The following PRUNE2 variants were observed in gnomAD, a reference collection of about 807,000 sequenced individuals.
PRUNE2 encodes the protein protein prune homolog 2.
PRUNE2 carries 164 observed loss-of-function variants against 252.0 expected under a neutral mutation model. That is an observed-to-expected ratio of 0.65 (90% confidence interval 0.57 to 0.74). The LOEUF is 0.74. PRUNE2 is among the 30% of genes least tolerant of loss of function. The probability of loss-of-function intolerance (pLI) is 0.00; values close to 1 mark genes in which losing one functional copy is unlikely to be tolerated. For synonymous variants in PRUNE2, 1,292 were observed against 1,350.2 expected (o/e 0.96, Z 0.94); for missense variants, 3,495 against 3,711.0 (o/e 0.94, Z 1.51).
rs1383763731 is a variant in PRUNE2, at chr9:76,831,176, A to G, written c.509-4444T>C. ...GATCTCCTGACCTTGTGATCCGCCC[A>G]CCTCGGCCTCCCAAAGTGCTGGGAT... On this transcript the variant is annotated intron_variant, in intron 4 of 18. Coordinates refer to ENST00000376718, the MANE Select transcript of PRUNE2 (RefSeq NM_015225.3). Among the ~76,000 whole-genome samples the G allele has an allele frequency of 5.3e-5, 8 of 152,066 alleles. No individual in the cohort carries two copies. The East Asian group carries it at 5.8e-4, about 11-fold the overall frequency.
intron 1 of PRUNE2, among the ~76,000 whole-genome samples, chr9:76,860,738 A>C (rs2060502101): frequency 6.6e-6 from 1 of 152,244 alleles, no homozygotes; most frequent in Non-Finnish European, 1.5e-5. Flanking sequence ...AAGTGGGGGC[A>C]CATTTCTTGG....
chr9:76,792,461 G>A (rs559363447), intron 6 of PRUNE2, among the ~76,000 whole-genome samples: 1 of 152,158 alleles, frequency 6.6e-6, no homozygotes, highest in Non-Finnish European at 1.5e-5. Context: ...CAGGACTAAA[G>A]TCTCACAGAG....
In PRUNE2 at chr9:76,826,610, C is replaced by T. The variant is rs139637420; in HGVS notation, c.631G>A (p.Val211Ile). 1.6e-5 allele frequency: 25 copies of T among 1,610,172 alleles called. No homozygotes were observed. In the African/African-American group the frequency reaches 2.1e-4, roughly 14 times the overall value. Residue 211 changes from valine to isoleucine, a missense_variant, in exon 5 of 19, where the codon GTC becomes ATC. Coordinates refer to ENST00000376718, the MANE Select transcript of PRUNE2 (RefSeq NM_015225.3). The stretch of plus-strand genomic sequence containing the variant: ...GCACTGAACTGGGTCTCCTGTAGGA[C>T]GTTGATGATGTCCTCTCTTGGAGGC... Reference protein sequence around the residue: ...NLPPREDIINVLQETQFSAQG... With the variant: ...NLPPREDIINILQETQFSAQG...
intron 6 of PRUNE2, among the ~76,000 whole-genome samples, chr9:76,797,031 T>TCAAACATACGCA (rs1485134798): frequency 4.4e-5 from 6 of 137,436 alleles, no homozygotes; most frequent in African/African-American, 1.9e-4. Flanking sequence ...AATCACACAC[T>TCAAACATACGCA]CACACATACA....
intron 1 of PRUNE2, among the ~76,000 whole-genome samples, chr9:76,869,754 G>C (rs2061076730): frequency 6.6e-6 from 1 of 152,188 alleles, no homozygotes; most frequent in Non-Finnish European, 1.5e-5. Context: ...AGTATTCTAA[G>C]CATCAGAGGC....
chr9:76,827,834 A>G (rs988578241), intron 4 of PRUNE2, among the ~76,000 whole-genome samples: 9 of 152,204 alleles, frequency 5.9e-5, no homozygotes, highest in African/African-American at 2.2e-4. Context: ...AACAGGAATA[A>G]TACTGCTTTC....
At chr9:76,712,030 A>G (rs1392542083) in intron 7 of PRUNE2, among the ~76,000 whole-genome samples, 3 of 152,092 alleles carry the variant, frequency 2.0e-5, no homozygotes, top group Non-Finnish European at 4.4e-5. Context: ...TGTCAGGAGT[A>G]TTTTGTTGTG....
At chr9:76,892,892 T>C (rs745883020) in intron 1 of PRUNE2, among the ~76,000 whole-genome samples, 1 of 152,236 alleles carries the variant, frequency 6.6e-6, no homozygotes, top group Non-Finnish European at 1.5e-5. Flanking sequence ...GAAACTGAAA[T>C]AGATGTCTAA....
chr9:76,745,007 A>G (rs535248745), intron 6 of PRUNE2, among the ~76,000 whole-genome samples: 3 of 152,312 alleles, frequency 2.0e-5, no homozygotes, highest in East Asian at 3.9e-4. Flanking sequence ...TACCATGACC[A>G]TACATTTATT....
intron 6 of PRUNE2, among the ~76,000 whole-genome samples, chr9:76,807,231 A>T (rs1057283542): frequency 4.3e-4 from 30 of 69,938 alleles, no homozygotes; most frequent in Admixed American, 1.8e-3. Flanking sequence ...TGGCTAATTT[A>T]AAAAAAAAAA....
rs770848796 is a variant in PRUNE2 at position 76,774,456 on chromosome 9, T to TATGTA, written c.756+49175_756+49176insTACAT. Among the ~76,000 whole-genome samples, 753 of 133,900 alleles carry TATGTA rather than the reference T, an allele frequency of 5.6e-3. 18 individuals are homozygous for TATGTA. The highest frequency in any genetic ancestry group is 0.019 in the African/African-American group (723 of 37,286). The allele number at this position is 133,900 out of a possible 152,430, so 87.8% of individuals were successfully genotyped here. A position where few individuals can be genotyped will look rare whatever the true frequency, so the allele number is the denominator to read the frequency against. On this transcript the variant is annotated intron_variant, in intron 6 of 18. Transcript: ENST00000376718. ...CCTGGCCTCCAGTTCAACCCTTTTT[T>TATGTA]TTTTTTTTTTTTTTTTTTTTTGAGA...
At chr9:76,894,578 C>T (rs1270862375) in intron 1 of PRUNE2, among the ~76,000 whole-genome samples, 4 of 152,186 alleles carry the variant, frequency 2.6e-5, no homozygotes, top group Non-Finnish European at 4.4e-5. Flanking sequence ...CCACTTGTTA[C>T]AGAAAATGTG....
intron 6 of PRUNE2, among the ~76,000 whole-genome samples, chr9:76,755,931 G>A (rs939290088): frequency 3.3e-5 from 5 of 152,144 alleles, no homozygotes; most frequent in African/African-American, 7.2e-5. Flanking sequence ...TTGAACTCCT[G>A]AGCTTAAGTG....
intron 9 of PRUNE2, among the ~76,000 whole-genome samples, chr9:76,683,066 C>T (rs1478320746): frequency 6.6e-6 from 1 of 152,226 alleles, no homozygotes; most frequent in African/African-American, 2.4e-5. Context: ...CTCTATTCCC[C>T]TTTGGGGAAT....
intron 5 of PRUNE2, among the ~76,000 whole-genome samples, chr9:76,825,504 G>C (rs1056830770): frequency 6.6e-6 from 1 of 152,214 alleles, no homozygotes. Flanking sequence ...CTTTGCCTCA[G>C]GCTCTGCCCC....
intron 1 of PRUNE2, among the ~76,000 whole-genome samples, chr9:76,880,555 G>A (rs1426704035): frequency 1.3e-5 from 2 of 152,070 alleles, no homozygotes; most frequent in Non-Finnish European, 2.9e-5. Context: ...GACCAAAATT[G>A]CTAGTTTCAC....
rs765005407 is a variant in PRUNE2 at position 76,850,449 on chromosome 9, A to G, written c.344+14T>C. On this transcript the variant is annotated intron_variant, in intron 3 of 18. Coordinates refer to ENST00000376718, the MANE Select transcript of PRUNE2 (RefSeq NM_015225.3). ...TTGAGGGATTAAACCTCAGAGCTTC[A>G]CAGTGGATCTTACCTCGCCAGCACA... is the stretch of plus-strand genomic sequence containing the variant. 1 of 1,605,724 alleles carries G rather than the reference A, an allele frequency of 6.2e-7. No homozygotes were observed. The highest frequency in any genetic ancestry group is 1.3e-5 in the African/African-American group (1 of 74,770).
At chr9:76,791,710 T>TGTG (rs1214251740) in intron 6 of PRUNE2, among the ~76,000 whole-genome samples, 1 of 152,196 alleles carries the variant, frequency 6.6e-6, no homozygotes, top group East Asian at 1.9e-4. Context: ...GGGCATCCAC[T>TGTG]GATCATGGCT....
At chr9:76,678,349 C>CAAAAAAAAAA (rs58096428) in intron 9 of PRUNE2, among the ~76,000 whole-genome samples, 1 of 83,116 alleles carries the variant, frequency 1.2e-5, no homozygotes, top group African/African-American at 6.2e-5. Context: ...GAGACTCCAT[C>CAAAAAAAAAA]AAAAAAAAAA....
Sources: gnomAD v4.1 joint callset for allele counts (sites outside exome capture counted in the v4.1 genomes callset) on GRCh38, gnomAD v4.1.1 for gene constraint, MANE v1.5 for transcripts, NCBI Gene and HGNC (gene_info 2026-07-23, HGNC 2026-07-21) for gene names.